LPAR1: variants seen among roughly 807,000 people sequenced by gnomAD.
LPAR1 encodes the protein LPA receptor 1.
LPAR1 carries 5 observed loss-of-function variants against 23.8 expected under a neutral mutation model. The observed-to-expected ratio is 0.21, with a 90% confidence interval of 0.11 to 0.44. The LOEUF (loss-of-function observed/expected upper bound fraction) is 0.44, where lower values mean the gene tolerates loss of function less well. LPAR1 is among the 20% of genes least tolerant of loss of function. LPAR1 has a pLI of 0.99. For missense variants in LPAR1, 311 were observed against 482.8 expected, an observed-to-expected ratio of 0.64 and a Z score of 3.33; for synonymous variants, 160 against 164.7, an observed-to-expected ratio of 0.97 and a Z score of 0.22.
At chr9:110,966,020 C>T (rs945376076) in intron 4 of LPAR1, among the ~76,000 whole-genome samples, 3 of 152,092 alleles carry the variant, frequency 2.0e-5, no homozygotes, top group African/African-American at 4.8e-5. Flanking sequence ...CAAACTAACA[C>T]AGGAACAGAA....
intron 2 of LPAR1, among the ~76,000 whole-genome samples, chr9:111,020,249 T>G (rs545359788): frequency 6.6e-6 from 1 of 152,336 alleles, no homozygotes; most frequent in African/African-American, 2.4e-5. Flanking sequence ...GTAGAAAGAA[T>G]ACATTTAGTC....
chr9:110,940,551 G>T (rs1374705183), intron 5 of LPAR1, among the ~76,000 whole-genome samples: 1 of 152,066 alleles, frequency 6.6e-6, no homozygotes, highest in Admixed American at 6.5e-5. Context: ...GTGATCAAAC[G>T]TTAACCTGAA....
intron 2 of LPAR1, among the ~76,000 whole-genome samples, chr9:111,024,364 G>C (rs1452024984): frequency 6.8e-6 from 1 of 147,598 alleles, no homozygotes; most frequent in East Asian, 2.0e-4. Context: ...AGTGTGCTGG[G>C]CATCATATAT....
At chr9:110,981,327 TG>T (rs2096661752) in intron 2 of LPAR1, among the ~76,000 whole-genome samples, 1 of 152,116 alleles carries the variant, frequency 6.6e-6, no homozygotes, top group Non-Finnish European at 1.5e-5. Context: ...CCTGCCAGTA[TG>T]ACCTTGGGCA....
intron 2 of LPAR1, among the ~76,000 whole-genome samples, chr9:110,987,542 G>A (rs2096809268): frequency 6.6e-6 from 1 of 151,510 alleles, no homozygotes; most frequent in Non-Finnish European, 1.5e-5. Context: ...CCATTCAGCT[G>A]GCTCTACATG....
chr9:110,888,817 G>T (rs1284304291), intron 5 of LPAR1, among the ~76,000 whole-genome samples: 1 of 152,106 alleles, frequency 6.6e-6, no homozygotes. Flanking sequence ...TGATATGTAT[G>T]GCTAACAGAC....
At chr9:110,910,843 A>C (rs2092334782) in intron 5 of LPAR1, among the ~76,000 whole-genome samples, 1 of 152,234 alleles carries the variant, frequency 6.6e-6, no homozygotes, top group South Asian at 2.1e-4. Context: ...TGGCACCTGA[A>C]GATGTAGCTA....
chr9:110,964,123 CTG>C (rs1317171253), intron 4 of LPAR1, among the ~76,000 whole-genome samples: 11 of 152,192 alleles, frequency 7.2e-5, no homozygotes, highest in African/African-American at 2.7e-4. Flanking sequence ...CTGAAGCCTT[CTG>C]TGTGTCTCAT....
intron 5 of LPAR1, among the ~76,000 whole-genome samples, chr9:110,935,107 C>A (rs964059981): frequency 6.6e-6 from 1 of 152,082 alleles, no homozygotes; most frequent in African/African-American, 2.4e-5. Context: ...AACCAGTTAC[C>A]TTCACAGCCA....
At chr9:110,935,685 G>A (rs2135911284) in intron 5 of LPAR1, among the ~76,000 whole-genome samples, 1 of 152,262 alleles carries the variant, frequency 6.6e-6, no homozygotes, top group South Asian at 2.1e-4. Context: ...TTCATCCTAG[G>A]TTGCCCTAAA....
chr9:110,966,048 TCTCA>T (rs1286712783), intron 4 of LPAR1, among the ~76,000 whole-genome samples: 1 of 152,036 alleles, frequency 6.6e-6, no homozygotes, highest in Non-Finnish European at 1.5e-5. Context: ...TACCACATAT[TCTCA>T]CTCATAAGTG....
chr9:110,991,997 G>GTTT (rs34666038), intron 2 of LPAR1, among the ~76,000 whole-genome samples: 1 of 149,012 alleles, frequency 6.7e-6, no homozygotes, highest in African/African-American at 2.5e-5. Flanking sequence ...TTAAAAGCTT[G>GTTT]TTTTTTTTTT....
Position 110,972,145 on chromosome 9 carries a change from C to T in LPAR1, c.-28G>A, listed in dbSNP as rs974842627. On this transcript the variant is annotated 5_prime_UTR_variant, in exon 4 of 6. Coordinates refer to ENST00000683809, the MANE Select transcript of LPAR1 (RefSeq NM_001351411.2). ...CAGCTCTGTGGTTGTAGGTGGTGAACACGCCCCAGAACTACGGGAGACAAA... is the reference window on the plus strand; with the variant it reads ...CAGCTCTGTGGTTGTAGGTGGTGAATACGCCCCAGAACTACGGGAGACAAA... 3 of 1,611,298 alleles carry T rather than the reference C, an allele frequency of 1.9e-6. No individual in the cohort carries two copies. The highest frequency in any genetic ancestry group is 2.5e-6 in the Non-Finnish European group (3 of 1,177,524).
chr9:111,028,949 A>AT (rs893900249), intron 2 of LPAR1, among the ~76,000 whole-genome samples: 3 of 152,170 alleles, frequency 2.0e-5, no homozygotes, highest in East Asian at 1.9e-4. Context: ...TGTTTCAGGG[A>AT]TTTTTTGTTC....
In LPAR1 at chr9:110,959,175, A is replaced by AAAAAAC. The variant is rs1170357800; in HGVS notation, c.45+12897_45+12898insGTTTTT. Among the ~76,000 whole-genome samples the AAAAAAC allele has an allele frequency of 1.3e-5, 2 of 151,026 alleles. 1 individual carries two copies. Among genetic ancestry groups the AAAAAAC allele is most frequent in the African/African-American group, 4.8e-5 (2 of 41,266 alleles). ...ACAGTATGAAGATGTCTCTACAAAA[A>AAAAAAC]AAAAAAAAAACCACTAAAACCAGAC... On this transcript the variant is annotated intron_variant, in intron 4 of 5. Transcript: ENST00000683809.
intron 2 of LPAR1, among the ~76,000 whole-genome samples, chr9:110,980,034 A>G (rs970824564): frequency 2.0e-5 from 3 of 152,118 alleles, no homozygotes; most frequent in African/African-American, 7.2e-5. Flanking sequence ...AAAAGGATTC[A>G]TAGAATTCTA....
intron 5 of LPAR1, among the ~76,000 whole-genome samples, chr9:110,902,697 G>C (rs2089699015): frequency 1.3e-5 from 2 of 152,122 alleles, no homozygotes; most frequent in Admixed American, 6.5e-5. Flanking sequence ...CCTCCAATGA[G>C]AAACAGCAGG....
chr9:110,972,171 T>A lies in LPAR1; in HGVS notation c.-54A>T. On this transcript the variant is annotated 5_prime_UTR_variant, in exon 4 of 6. Transcript: ENST00000683809. ...ACGCCCCAGAACTACGGGAGACAAA[T>A]TTTCTTGTTTGCTGATCAGATCGAA... The A allele has an allele frequency of 1.4e-5, 22 of 1,545,014 alleles. No homozygotes were observed. Among genetic ancestry groups the A allele is most frequent in the Non-Finnish European group, 2.0e-5 (22 of 1,117,254 alleles).
chr9:110,891,319 T>A (rs1404931737), intron 5 of LPAR1, among the ~76,000 whole-genome samples: 1 of 152,200 alleles, frequency 6.6e-6, no homozygotes, highest in African/African-American at 2.4e-5. Flanking sequence ...TTACATAACT[T>A]TTAAGAAAAA....
Sources: allele counts gnomAD v4.1 joint callset (sites outside exome capture counted in the v4.1 genomes callset), GRCh38; gene constraint gnomAD v4.1.1; transcripts MANE v1.5; gene names NCBI Gene and HGNC (gene_info 2026-07-23, HGNC 2026-07-21).